Variants in FMN1 observed in about 807,000 individuals in gnomAD.
The protein encoded by FMN1 is formin 1.
FMN1 carries 110 observed loss-of-function variants against 132.4 expected under a neutral mutation model. That is an observed-to-expected ratio of 0.83 (90% confidence interval 0.71 to 0.97). The LOEUF (loss-of-function observed/expected upper bound fraction) is 0.97. Ranked by LOEUF, FMN1 falls within the 50% of genes least tolerant of loss-of-function variation. FMN1 has a pLI of 0.00. For synonymous variants in FMN1, 722 were observed against 651.7 expected, an observed-to-expected ratio of 1.11 and a Z score of -1.64; for missense variants, 1,792 against 1,705.3, an observed-to-expected ratio of 1.05 and a Z score of -0.90.
At chr15:32,875,619 A>C (rs2059618344) in intron 16 of FMN1, among the ~76,000 whole-genome samples, 1 of 152,136 alleles carries the variant, frequency 6.6e-6, no homozygotes, top group Non-Finnish European at 1.5e-5. Flanking sequence ...GCTATCTGGG[A>C]AAGAATCTAC....
chr15:33,034,307 T>TCGTCCCAGC (rs1461341275), intron 6 of FMN1, among the ~76,000 whole-genome samples: 1 of 152,112 alleles, frequency 6.6e-6, no homozygotes, highest in Admixed American at 6.5e-5. Context: ...TCAGGTCAAA[T>TCGTCCCAGC]ACCCTGACGT....
At position 32,926,271 on chromosome 15, in the gene FMN1, G is replaced by GAAAAAAAAAAAA. The variant is rs201622952; in HGVS notation, c.3139-22_3139-11dup. 1.2e-6 allele frequency: 1 copy of GAAAAAAAAAAAA among 815,694 alleles called. No homozygotes were observed. The highest frequency in any genetic ancestry group is 1.9e-5 in the African/African-American group (1 of 51,390). 50.5% of individuals were successfully genotyped at this position (815,694 alleles called of 1,614,324 possible). On this transcript the variant is annotated splice_polypyrimidine_tract_variant and intron_variant, in intron 9 of 20. Transcript: ENST00000616417. ...CCAACAATTTGATGATCTAAAATTA[G>GAAAAAAAAAAAA]AAAAAAAAAAAAAAGAATACAAGCT... is the stretch of plus-strand genomic sequence containing the variant.
At chr15:32,970,431 GACAGTA>G (rs1384994583) in intron 7 of FMN1, among the ~76,000 whole-genome samples, 4 of 152,118 alleles carry the variant, frequency 2.6e-5, no homozygotes, top group Non-Finnish European at 4.4e-5. Flanking sequence ...TGAAACTGGT[GACAGTA>G]TTGTCTTTCT....
chr15:33,000,864 A>G lies in FMN1; in HGVS notation c.2223+7150T>C, dbSNP rs547431319. Among the ~76,000 whole-genome samples the G allele has an allele frequency of 6.6e-5, 10 of 152,354 alleles. No individual in the cohort carries two copies. The East Asian group carries it at 1.9e-3, about 29-fold the overall frequency. ...TATTTGACCATGAAAACATTTTGTC[A>G]AGAGGCATTTCAAAGTATCACTGTT... On this transcript the variant is annotated intron_variant, in intron 7 of 20. Transcript: ENST00000616417.
intron 7 of FMN1, among the ~76,000 whole-genome samples, chr15:32,996,641 A>G (rs2033786922): frequency 1.3e-5 from 2 of 152,196 alleles, no homozygotes; most frequent in African/African-American, 4.8e-5. Context: ...TTAAGTACCA[A>G]ATATTATTAT....
chr15:33,039,756 CT>C (rs1393767096), intron 6 of FMN1, among the ~76,000 whole-genome samples: 5 of 151,910 alleles, frequency 3.3e-5, no homozygotes, highest in Admixed American at 2.6e-4. Flanking sequence ...TTTATTATCT[CT>C]GATTCCATTA....
At chr15:32,872,095 A>T (rs2059529567) in intron 16 of FMN1, among the ~76,000 whole-genome samples, 2 of 151,226 alleles carry the variant, frequency 1.3e-5, no homozygotes, top group South Asian at 2.1e-4. Flanking sequence ...AATGTAAATT[A>T]TGCTACTGTC....
intron 5 of FMN1, among the ~76,000 whole-genome samples, chr15:33,075,031 A>AAAAAAG (rs2038150438): frequency 9.1e-6 from 1 of 109,930 alleles, no homozygotes; most frequent in Non-Finnish European, 2.2e-5. Flanking sequence ...AAAAAAAAAA[A>AAAAAAG]AAAAAAAAAA....
At chr15:32,985,641 G>A (rs920094551) in intron 7 of FMN1, among the ~76,000 whole-genome samples, 1 of 152,128 alleles carries the variant, frequency 6.6e-6, no homozygotes, top group African/African-American at 2.4e-5. Flanking sequence ...TCCTCAGCCA[G>A]GTCACAGCTG....
intron 16 of FMN1, among the ~76,000 whole-genome samples, chr15:32,867,348 T>G (rs2059414285): frequency 6.6e-6 from 1 of 152,208 alleles, no homozygotes; most frequent in South Asian, 2.1e-4. Flanking sequence ...AGCCTCACCC[T>G]GCTCTCCCTG....
intron 16 of FMN1, among the ~76,000 whole-genome samples, chr15:32,876,481 A>C (rs2059640518): frequency 1.3e-5 from 2 of 152,244 alleles, no homozygotes. Flanking sequence ...ATCTAAATGT[A>C]TCATTGCCAG....
At chr15:32,964,070 A>G (rs1400979931) in intron 9 of FMN1, 37 bp downstream of exon 9, 1 of 1,468,146 alleles carries the variant, frequency 6.8e-7, no homozygotes, top group Non-Finnish European at 9.4e-7. Flanking sequence ...TTCCCTGTAT[A>G]ATATATAATT....
At chr15:33,126,999 A>C (rs997801902) in intron 4 of FMN1, among the ~76,000 whole-genome samples, 11 of 152,210 alleles carry the variant, frequency 7.2e-5, no homozygotes, top group African/African-American at 2.7e-4. Context: ...TGCTGTCATG[A>C]CTACATGTGG....
At chr15:32,951,812 G>T (rs538856737) in intron 9 of FMN1, among the ~76,000 whole-genome samples, 1 of 152,334 alleles carries the variant, frequency 6.6e-6, no homozygotes, top group East Asian at 1.9e-4. Context: ...CCCCATGAAT[G>T]ATGACTCAGC....
intron 6 of FMN1, among the ~76,000 whole-genome samples, chr15:33,043,420 T>G (rs1186667292): frequency 6.6e-6 from 1 of 152,232 alleles, no homozygotes; most frequent in Admixed American, 6.5e-5. Context: ...GTTGTTCCTG[T>G]GTCTCACTTC....
chr15:32,973,920 C>T (rs1041577651), intron 7 of FMN1, among the ~76,000 whole-genome samples: 2 of 152,122 alleles, frequency 1.3e-5, no homozygotes, highest in African/African-American at 4.8e-5. Flanking sequence ...TATCCAGATA[C>T]ACAGCTAGAA....
At chr15:32,899,016 C>T in intron 14 of FMN1, 123 bp from the exon 15 acceptor site, 1 of 666,134 alleles carries the variant, frequency 1.5e-6, no homozygotes, top group Non-Finnish European at 2.7e-6. Context: ...CTCTTCGATG[C>T]TGGCAAGGTT....
intron 10 of FMN1, among the ~76,000 whole-genome samples, chr15:32,922,010 T>G (rs899753516): frequency 1.3e-5 from 2 of 152,218 alleles, no homozygotes; most frequent in African/African-American, 4.8e-5. Flanking sequence ...CATCTCTGTG[T>G]GATGACCACT....
At chr15:33,051,682 G>A (rs345750) in intron 6 of FMN1, among the ~76,000 whole-genome samples, 151,045 of 152,280 alleles carry the variant, frequency 0.99, 74,918 homozygotes, top group East Asian at 1. Context: ...CTCTAGAAAC[G>A]CTTGACTGGT....
Sources: gnomAD v4.1 joint callset for allele counts (sites outside exome capture counted in the v4.1 genomes callset) on GRCh38, gnomAD v4.1.1 for gene constraint, MANE v1.5 for transcripts, NCBI Gene and HGNC (gene_info 2026-07-23, HGNC 2026-07-21) for gene names.